ARAP2: variants seen among roughly 807,000 people sequenced by gnomAD.
ARAP2 encodes the protein arf-GAP with Rho-GAP domain, ANK repeat and PH domain-containing protein 2.
In ARAP2, 148 loss-of-function variants were observed where a neutral mutation model predicts 194.5. The observed-to-expected ratio is 0.76, with a 90% confidence interval of 0.67 to 0.87. ARAP2 has a LOEUF of 0.87. ARAP2 is among the 40% of genes least tolerant of loss of function. The probability of loss-of-function intolerance (pLI) is 0.00; values close to 1 mark genes in which losing one functional copy is unlikely to be tolerated. For missense variants in ARAP2, 2,128 were observed against 1,989.7 expected (o/e 1.07, Z -1.32); for synonymous variants, 695 against 683.5 (o/e 1.02, Z -0.26).
chr4:36,051,392 G>A (rs1317674000), intron 3 of ARAP2, among the ~76,000 whole-genome samples: 2 of 152,068 alleles, frequency 1.3e-5, no homozygotes, highest in Non-Finnish European at 2.9e-5. Flanking sequence ...CAGGAGAATC[G>A]CTTGAACCCG....
At chr4:36,037,078 C>T (rs1720052421) in intron 5 of ARAP2, among the ~76,000 whole-genome samples, 1 of 152,086 alleles carries the variant, frequency 6.6e-6, no homozygotes, top group Admixed American at 6.6e-5. Flanking sequence ...AGTCTTTTCA[C>T]CTCATGGGTC....
intron 31 of ARAP2, among the ~76,000 whole-genome samples, chr4:36,076,645 C>T (rs1342679684): frequency 6.6e-6 from 1 of 151,948 alleles, no homozygotes; most frequent in Non-Finnish European, 1.5e-5. Flanking sequence ...CTCCATGCTT[C>T]CCTCTCCACC....
chr4:36,075,126 T>C (rs1011973639), intron 31 of ARAP2, among the ~76,000 whole-genome samples: 2 of 152,116 alleles, frequency 1.3e-5, no homozygotes, highest in African/African-American at 2.4e-5. Flanking sequence ...TCCCAAAACA[T>C]AAACCTGGGA....
At chr4:36,044,015 TG>T (rs1427038598) in intron 5 of ARAP2, among the ~76,000 whole-genome samples, 1 of 152,272 alleles carries the variant, frequency 6.6e-6, no homozygotes, top group African/African-American at 2.4e-5. Context: ...GTAATGCTTC[TG>T]GATGACATAA....
At chr4:36,048,846 A>G (rs1722220415) in intron 3 of ARAP2, among the ~76,000 whole-genome samples, 2 of 152,134 alleles carry the variant, frequency 1.3e-5, no homozygotes, top group African/African-American at 4.8e-5. Flanking sequence ...GTGTATAAGC[A>G]TTCCCTTTTC....
At chr4:36,107,742 A>G (rs1228011834) in intron 26 of ARAP2, 49 bp from the exon 27 acceptor site, 1 of 1,517,702 alleles carries the variant, frequency 6.6e-7, no homozygotes, top group East Asian at 2.4e-5. Flanking sequence ...GAGGATAACA[A>G]TTTTTTATTT....
intron 30 of ARAP2, among the ~76,000 whole-genome samples, chr4:36,081,397 C>T (rs1729519063): frequency 1.3e-5 from 2 of 152,126 alleles, no homozygotes; most frequent in African/African-American, 4.8e-5. Flanking sequence ...GGACCATGTA[C>T]ATCACACATG....
intron 1 of ARAP2, among the ~76,000 whole-genome samples, chr4:36,236,357 T>G (rs1032913040): frequency 2.0e-5 from 3 of 152,110 alleles, no homozygotes; most frequent in African/African-American, 7.2e-5. Context: ...CATGGGTTAC[T>G]TCATTAAACC....
chr4:36,101,936 G>C (rs1717049184), intron 27 of ARAP2, among the ~76,000 whole-genome samples: 1 of 151,884 alleles, frequency 6.6e-6, no homozygotes, highest in Non-Finnish European at 1.5e-5. Flanking sequence ...ACACTGTTAA[G>C]CACTCTTTTT....
chr4:36,093,189 C>CA (rs1458390009), intron 27 of ARAP2, among the ~76,000 whole-genome samples: 4 of 151,882 alleles, frequency 2.6e-5, no homozygotes, highest in African/African-American at 9.7e-5. Context: ...GAACAACACA[C>CA]ACTGGGGCCT....
chr4:36,180,100 C>T (rs1002029751), intron 8 of ARAP2, among the ~76,000 whole-genome samples: 13 of 151,998 alleles, frequency 8.6e-5, no homozygotes, highest in African/African-American at 1.2e-4. Context: ...TGGTGACACC[C>T]GGTCTATACT....
intron 28 of ARAP2, 40 bp downstream of exon 28, chr4:36,091,841 C>A: frequency 6.5e-7 from 1 of 1,542,964 alleles, no homozygotes; most frequent in South Asian, 1.2e-5. Flanking sequence ...AATGTTAATA[C>A]CCACACAAAT....
At chr4:36,103,643 C>T (rs1717618940) in intron 27 of ARAP2, among the ~76,000 whole-genome samples, 1 of 151,532 alleles carries the variant, frequency 6.6e-6, no homozygotes, top group Admixed American at 6.6e-5. Flanking sequence ...ATGGCAATGG[C>T]ACAAAATGTT....
At chr4:36,043,428 T>C (rs967714102) in intron 5 of ARAP2, among the ~76,000 whole-genome samples, 4 of 152,162 alleles carry the variant, frequency 2.6e-5, no homozygotes, top group Non-Finnish European at 5.9e-5. Context: ...AAACAGGAAC[T>C]TTAGTCAAGA....
chr4:36,014,872 T>G (rs58483185), intron 8 of ARAP2, among the ~76,000 whole-genome samples: 10,715 of 152,156 alleles, frequency 0.07, 1,162 homozygotes, highest in African/African-American at 0.24. Flanking sequence ...TCTCCCTGTG[T>G]GAAAGATTTC....
At chr4:36,213,913 C>T (rs1471962946) in intron 3 of ARAP2, among the ~76,000 whole-genome samples, 1 of 152,102 alleles carries the variant, frequency 6.6e-6, no homozygotes, top group Non-Finnish European at 1.5e-5. Flanking sequence ...TGCATTTCTA[C>T]TCTGGCAAAA....
At chr4:36,208,887 A>G (rs1411576030) in intron 6 of ARAP2, among the ~76,000 whole-genome samples, 3 of 152,180 alleles carry the variant, frequency 2.0e-5, no homozygotes, top group East Asian at 3.9e-4. Context: ...TAAAATGGAA[A>G]AATATAAATC....
chr4:36,146,882 T>C (rs1233547229), intron 19 of ARAP2, among the ~76,000 whole-genome samples: 1 of 152,046 alleles, frequency 6.6e-6, no homozygotes, highest in Non-Finnish European at 1.5e-5. Context: ...TAATAGTTAC[T>C]GAAAAACTGA....
chr4:36,243,431 T>C (rs573884454), intron 1 of ARAP2, among the ~76,000 whole-genome samples: 3 of 149,874 alleles, frequency 2.0e-5, no homozygotes, highest in African/African-American at 7.4e-5. Context: ...GATACCTACT[T>C]ACAACACCCT....
Sources: allele counts gnomAD v4.1 joint callset (sites outside exome capture counted in the v4.1 genomes callset), GRCh38; gene constraint gnomAD v4.1.1; transcripts MANE v1.5; gene names NCBI Gene and HGNC (gene_info 2026-07-23, HGNC 2026-07-21).